Variants in COL4A3 observed in about 807,000 individuals in gnomAD.
COL4A3 encodes collagen alpha-3(IV) chain.
In COL4A3, 135 loss-of-function variants were observed where a neutral mutation model predicts 217.4. That is an observed-to-expected ratio of 0.62 (90% CI 0.54 to 0.72). The LOEUF is 0.72. COL4A3 is among the 30% of genes least tolerant of loss of function. The pLI, the probability that COL4A3 is intolerant of heterozygous loss-of-function variation, is 0.00. For missense variants in COL4A3, 1,868 were observed against 2,119.9 expected, an observed-to-expected ratio of 0.88 and a Z score of 2.33; for synonymous variants, 690 against 736.3, an observed-to-expected ratio of 0.94 and a Z score of 1.02.
intron 31 of COL4A3, 99 bp downstream of exon 31, chr2:227,281,105 G>A: frequency 1.3e-6 from 1 of 785,036 alleles, no homozygotes; most frequent in Non-Finnish European, 2.2e-6. Flanking sequence ...CCAGCCACAA[G>A]TCCTGACCAC....
intron 1 of COL4A3, among the ~76,000 whole-genome samples, chr2:227,185,147 T>C (rs1217161156): frequency 6.6e-6 from 1 of 152,070 alleles, no homozygotes; most frequent in African/African-American, 2.4e-5. Context: ...TGATCTGCCC[T>C]CCTCGGCCTC....
At chr2:227,275,826 A>G (rs2071523241) in intron 26 of COL4A3, among the ~76,000 whole-genome samples, 1 of 152,202 alleles carries the variant, frequency 6.6e-6, no homozygotes. Context: ...TAGCCACCCA[A>G]TAAATAAGTA....
intron 18 of COL4A3, among the ~76,000 whole-genome samples, chr2:227,258,697 C>T (rs547354556): frequency 7.2e-5 from 11 of 152,284 alleles, no homozygotes; most frequent in African/African-American, 9.6e-5. Flanking sequence ...CCTACAGACC[C>T]TACCTCTTAC....
chr2:227,251,367 C>T lies in COL4A3; in HGVS notation c.641C>T (p.Pro214Leu), dbSNP rs914548534. The T allele has an allele frequency of 1.2e-6, 2 of 1,612,604 alleles. No individual in the cohort carries two copies. Among genetic ancestry groups the T allele is most frequent in the Admixed American group, 1.7e-5 (1 of 59,988 alleles). ...CCAGGAGCCATGGGACCTAGAGGAC[C>T]TAAGGTAGACTACAGTTCATATGAT... ...GFPGAMGPRG[P>L]KGHMGERVIG... The change falls in exon 11 of 52, where the codon CCT (proline) becomes CTT (leucine). Residue 214 changes from proline (P) to leucine (L), a missense_variant. This residue lies in a region of COL4A3 where 365 missense variants were observed against 333.8 expected (regional missense o/e 1.09). Transcript: ENST00000396578.
chr2:227,209,431 T>G (rs1380398543), intron 1 of COL4A3, among the ~76,000 whole-genome samples: 1 of 152,194 alleles, frequency 6.6e-6, no homozygotes, highest in Non-Finnish European at 1.5e-5. Context: ...CCCAACGGAT[T>G]CCTTGTTTTG....
chr2:227,165,328 C>T (rs558799109), intron 1 of COL4A3, among the ~76,000 whole-genome samples: 1 of 152,298 alleles, frequency 6.6e-6, no homozygotes, highest in Admixed American at 6.5e-5. Flanking sequence ...ACTTGCCCTC[C>T]AGTTTTCCTT....
At chr2:227,207,611 G>C (rs1488940689) in intron 1 of COL4A3, among the ~76,000 whole-genome samples, 1 of 152,182 alleles carries the variant, frequency 6.6e-6, no homozygotes, top group Non-Finnish European at 1.5e-5. Flanking sequence ...GGGTTTGCAG[G>C]GGCAGAAGTG....
At chr2:227,226,008 A>G (rs1279831844) in intron 1 of COL4A3, among the ~76,000 whole-genome samples, 4 of 152,064 alleles carry the variant, frequency 2.6e-5, no homozygotes, top group African/African-American at 9.7e-5. Context: ...CACCATGCCC[A>G]GCCAGGAACA....
Position 227,306,084 on chromosome 2 carries a change from T to A in COL4A3, c.4252+1001T>A, listed in dbSNP as rs1040050402. ...GTGCTATTAATCATTCAACTTTCCT[T>A]AAAGTGTGGTTTTTGAAGTGATAAA... On this transcript the variant is annotated intron_variant, in intron 47 of 51. Coordinates refer to ENST00000396578, the MANE Select transcript of COL4A3 (RefSeq NM_000091.5). Among the ~76,000 whole-genome samples the A allele has an allele frequency of 2.6e-5, 4 of 152,328 alleles. No homozygotes were observed. The East Asian group carries it at 7.7e-4, about 29-fold the overall frequency.
At chr2:227,299,344 G>A (rs951791219) in intron 43 of COL4A3, among the ~76,000 whole-genome samples, 2 of 152,124 alleles carry the variant, frequency 1.3e-5, no homozygotes, top group South Asian at 4.2e-4. Context: ...GCAGTGAGCC[G>A]AGATAGCGCC....
At chr2:227,273,544 C>T (rs574649774) in intron 26 of COL4A3, among the ~76,000 whole-genome samples, 1 of 152,216 alleles carries the variant, frequency 6.6e-6, no homozygotes, top group South Asian at 2.1e-4. Context: ...GCTGGGGCTA[C>T]AGGCACGTGT....
intron 26 of COL4A3, among the ~76,000 whole-genome samples, chr2:227,275,942 GAAAA>G (rs55999568): frequency 1.3e-4 from 20 of 149,586 alleles, no homozygotes; most frequent in African/African-American, 4.2e-4. Context: ...TTCCCTTTTA[GAAAA>G]AAAAAAAAAT....
At chr2:227,311,626 C>T (rs2073744175) in intron 51 of COL4A3, among the ~76,000 whole-genome samples, 160 bp from the exon 52 acceptor site, 1 of 152,334 alleles carries the variant, frequency 6.6e-6, no homozygotes, top group East Asian at 1.9e-4. Flanking sequence ...TATCCTCCCA[C>T]CTCAGCCTCC....
chr2:227,196,825 A>G (rs1273673781), intron 1 of COL4A3, among the ~76,000 whole-genome samples: 1 of 152,194 alleles, frequency 6.6e-6, no homozygotes, highest in African/African-American at 2.4e-5. Context: ...TTCAGACTGC[A>G]GGTATACTAT....
intron 31 of COL4A3, among the ~76,000 whole-genome samples, chr2:227,281,947 A>G (rs1483926538): frequency 6.6e-6 from 1 of 152,198 alleles, no homozygotes; most frequent in Admixed American, 6.5e-5. Flanking sequence ...GTTACCCCAA[A>G]TCACAAAGCT....
At chr2:227,229,944 G>C (rs901228996) in intron 1 of COL4A3, among the ~76,000 whole-genome samples, 30 of 151,788 alleles carry the variant, frequency 2.0e-4, no homozygotes, top group African/African-American at 7.3e-4. Flanking sequence ...CCAGCTACTC[G>C]GGAGACTGAG....
At chr2:227,311,674 G>A (rs111647852) in intron 51 of COL4A3, 112 bp from the exon 52 acceptor site, 34 of 1,059,782 alleles carry the variant, frequency 3.2e-5, no homozygotes, top group African/African-American at 2.6e-4. Flanking sequence ...CACCACGCCC[G>A]ACCCTGTAAT....
rs370204395 is a variant in COL4A3, at chr2:227,238,020, A to G, written c.140A>G (p.Glu47Gly). 9 of 1,603,026 alleles carry G rather than the reference A, an allele frequency of 5.6e-6. No homozygotes were observed. The African/African-American group carries it at 1.1e-4, about 19-fold the overall frequency. ...GQCFCDGAKG[E>G]KGEKGFPGPP... ...TGCTTCTGTGACGGGGCCAAAGGGG[A>G]GAAGGTAAAAACAAACCCTAATACT... The change falls in exon 2 of 52, where the codon GAG (glutamate) becomes GGG (glycine). Residue 47 changes from glutamate to glycine, a missense_variant. Transcript: ENST00000396578.
At chr2:227,261,320 T>A (rs1046313144) in intron 20 of COL4A3, among the ~76,000 whole-genome samples, 2 of 152,028 alleles carry the variant, frequency 1.3e-5, no homozygotes, top group Non-Finnish European at 2.9e-5. Flanking sequence ...AGGTCAGGAG[T>A]TCGAGACCAG....
Sources: gnomAD v4.1 joint callset for allele counts (sites outside exome capture counted in the v4.1 genomes callset) on GRCh38, gnomAD v4.1.1 for gene constraint, gnomAD v4.1.1 regional missense constraint, MANE v1.5 for transcripts, NCBI Gene and HGNC (gene_info 2026-07-23, HGNC 2026-07-21) for gene names.